Variants in SIPA1L1 observed in about 807,000 individuals in gnomAD.
SIPA1L1 encodes the protein signal-induced proliferation-associated 1-like protein 1.
SIPA1L1 carries 26 observed loss-of-function variants against 162.7 expected under a neutral mutation model. The ratio of observed to expected loss-of-function variants is 0.16; its 90% confidence interval spans 0.12 to 0.22. SIPA1L1 has a LOEUF of 0.22. SIPA1L1 is among the 10% of genes least tolerant of loss of function. The pLI is 1.00. For missense variants in SIPA1L1, 1,874 were observed against 2,241.0 expected (o/e 0.84, Z 3.31); for synonymous variants, 829 against 837.4 (o/e 0.99, Z 0.17).
At chr14:71,385,558 C>T (rs1455694859) in intron 2 of SIPA1L1, among the ~76,000 whole-genome samples, 1 of 151,402 alleles carries the variant, frequency 6.6e-6, no homozygotes, top group Non-Finnish European at 1.5e-5. Context: ...TGCATTAAGA[C>T]AAAGTAAAAA....
At chr14:71,375,927 A>C (rs928872482) in intron 2 of SIPA1L1, among the ~76,000 whole-genome samples, 3 of 152,148 alleles carry the variant, frequency 2.0e-5, no homozygotes, top group African/African-American at 7.2e-5. Context: ...GTGGTGGCTC[A>C]TGGTATACCT....
chr14:71,678,986 A>G (rs1371010345), intron 12 of SIPA1L1, among the ~76,000 whole-genome samples: 1 of 152,128 alleles, frequency 6.6e-6, no homozygotes, highest in Non-Finnish European at 1.5e-5. Context: ...TGACGGGGAG[A>G]ATGGAACCAA....
At chr14:71,625,532 T>G (rs2148628114) in intron 7 of SIPA1L1, among the ~76,000 whole-genome samples, 1 of 152,364 alleles carries the variant, frequency 6.6e-6, no homozygotes, top group South Asian at 2.1e-4. Context: ...AGCTAATATC[T>G]ATTTGACACA....
Position 71,699,019 on chromosome 14 carries a change from C to G in SIPA1L1, c.3413C>G (p.Ser1138Cys). The G allele has an allele frequency of 1.9e-6, 3 of 1,614,198 alleles. No individual in the cohort carries two copies. The highest frequency in any genetic ancestry group is 2.5e-6 in the Non-Finnish European group (3 of 1,180,020). Residue 1138 changes from serine (S) to cysteine (C), a missense_variant, in exon 14 of 24, where the codon TCC (serine) becomes TGC (cysteine). Ser to Cys is a moderately radical substitution (Grantham distance 112). Transcript: ENST00000381232. ...PGSDIYVTVS[S>C]MALARSQCRN... Reference sequence around the variant, plus strand: ...TCGGACATCTATGTGACGGTCTCATCCATGGCTTTAGCAAGATCCCAGTGT... The same window carrying G: ...TCGGACATCTATGTGACGGTCTCATGCATGGCTTTAGCAAGATCCCAGTGT...
intron 13 of SIPA1L1, among the ~76,000 whole-genome samples, chr14:71,694,775 A>G (rs1178718707): frequency 1.3e-5 from 2 of 152,240 alleles, no homozygotes; most frequent in African/African-American, 2.4e-5. Context: ...GGGCATTAAC[A>G]TCAGACGTTT....
intron 4 of SIPA1L1, among the ~76,000 whole-genome samples, chr14:71,581,040 C>T (rs1377326612): frequency 1.3e-5 from 2 of 151,996 alleles, no homozygotes; most frequent in Non-Finnish European, 2.9e-5. Context: ...AGTTTTTTAT[C>T]CTGTATTCTT....
chr14:71,740,243 G>A lies in SIPA1L1; in HGVS notation c.*1082G>A, dbSNP rs2085655739. On this transcript the variant is annotated 3_prime_UTR_variant, in exon 24 of 24. Coordinates refer to ENST00000381232, the MANE Select transcript of SIPA1L1 (RefSeq NM_001386936.1). ...GAATAATGACTGTGATACTAGAATG[G>A]GCTTTTGAAACCTGCATGTCCCAGT... 2 of 152,154 alleles carry A rather than the reference G, an allele frequency of 1.3e-5. No individual in the cohort carries two copies. The highest frequency in any genetic ancestry group is 6.5e-5 in the Admixed American group (1 of 15,278). 9.4% of individuals were successfully genotyped at this position (152,154 alleles called of 1,614,324 possible).
At chr14:71,631,023 G>A (rs1201637773) in intron 7 of SIPA1L1, among the ~76,000 whole-genome samples, 1 of 151,828 alleles carries the variant, frequency 6.6e-6, no homozygotes, top group Admixed American at 6.6e-5. Flanking sequence ...CCCTCCCCCA[G>A]CCCCCCAGCC....
At chr14:71,713,063 A>G (rs2082994728) in intron 17 of SIPA1L1, among the ~76,000 whole-genome samples, 1 of 152,224 alleles carries the variant, frequency 6.6e-6, no homozygotes, top group Admixed American at 6.5e-5. Context: ...ATGAGCAAAT[A>G]GGAATAACTA....
chr14:71,476,178 C>A (rs1238181295), intron 2 of SIPA1L1, among the ~76,000 whole-genome samples: 1 of 152,194 alleles, frequency 6.6e-6, no homozygotes, highest in African/African-American at 2.4e-5. Flanking sequence ...GTATTGGGTG[C>A]TTCCTGTTGA....
chr14:71,605,101 CTA>C (rs533277704), intron 5 of SIPA1L1, among the ~76,000 whole-genome samples: 337 of 151,992 alleles, frequency 2.2e-3, no homozygotes, highest in African/African-American at 7.6e-3. Context: ...TTTTGACTGA[CTA>C]TGTTATTTCA....
At chr14:71,576,895 C>T (rs1404090065) in intron 4 of SIPA1L1, among the ~76,000 whole-genome samples, 1 of 151,890 alleles carries the variant, frequency 6.6e-6, no homozygotes, top group Non-Finnish European at 1.5e-5. Context: ...CCAGCCTGGC[C>T]AACATGGTGA....
At chr14:71,386,866 C>A (rs1326806589) in intron 2 of SIPA1L1, among the ~76,000 whole-genome samples, 1 of 152,204 alleles carries the variant, frequency 6.6e-6, no homozygotes, top group African/African-American at 2.4e-5. Flanking sequence ...TGAGTACTTT[C>A]TTCTCGTTAC....
chr14:71,697,976 G>A (rs2081779704), intron 13 of SIPA1L1, among the ~76,000 whole-genome samples: 1 of 151,966 alleles, frequency 6.6e-6, no homozygotes, highest in Non-Finnish European at 1.5e-5. Flanking sequence ...TTAGGGGACA[G>A]CAGTAGTTTA....
chr14:71,478,318 A>G (rs1021326263), intron 2 of SIPA1L1, among the ~76,000 whole-genome samples: 5 of 152,056 alleles, frequency 3.3e-5, no homozygotes, highest in Non-Finnish European at 5.9e-5. Context: ...CCAAGTCTAT[A>G]CCTTATTTTT....
intron 2 of SIPA1L1, among the ~76,000 whole-genome samples, chr14:71,462,404 C>T (rs2046672213): frequency 6.6e-6 from 1 of 152,188 alleles, no homozygotes; most frequent in African/African-American, 2.4e-5. Context: ...GAGCCTTCTC[C>T]TGTTCTGGAC....
In SIPA1L1 at chr14:71,730,069, C is replaced by T. The variant is rs1406064095; in HGVS notation, c.4629C>T (p.Ser1543=). ...SQKSFKFHAL[S]SPQSPFPSTP... The stretch of plus-strand genomic sequence containing the variant: ...CTGTTTTTCAGTTCCACGCACTCTC[C>T]TCTCCTCAGTCTCCTTTCCCCAGCA... Residue 1543 remains serine (S), a synonymous_variant, in exon 20 of 24, where the codon TCC becomes TCT. Coordinates refer to ENST00000381232, the MANE Select transcript of SIPA1L1 (RefSeq NM_001386936.1). 6.2e-7 allele frequency: 1 copy of T among 1,614,130 alleles called. No homozygotes were observed. The highest frequency in any genetic ancestry group is 8.5e-7 in the Non-Finnish European group (1 of 1,179,980).
intron 2 of SIPA1L1, among the ~76,000 whole-genome samples, chr14:71,396,166 G>A (rs1024952804): frequency 5.3e-5 from 8 of 152,024 alleles, no homozygotes; most frequent in Non-Finnish European, 1.2e-4. Context: ...ATCCATTTAT[G>A]CATGCATCTA....
At chr14:71,564,761 T>C (rs2030000916) in intron 4 of SIPA1L1, among the ~76,000 whole-genome samples, 1 of 152,166 alleles carries the variant, frequency 6.6e-6, no homozygotes, top group Admixed American at 6.5e-5. Flanking sequence ...AGTGCTGGGA[T>C]TGGAGGAGTG....
Sources: gnomAD v4.1 joint callset for allele counts (sites outside exome capture counted in the v4.1 genomes callset) on GRCh38, gnomAD v4.1.1 for gene constraint, MANE v1.5 for transcripts, NCBI Gene and HGNC (gene_info 2026-07-23, HGNC 2026-07-21) for gene names.